The following SH3RF3 variants were observed in gnomAD, a reference collection of about 807,000 sequenced individuals.
SH3RF3 encodes SH3 domain containing ring finger 3.
SH3RF3 carries 29 observed loss-of-function variants against 66.3 expected under a neutral mutation model. The observed-to-expected ratio is 0.44, with a 90% CI of 0.33 to 0.60. SH3RF3 has a LOEUF of 0.60. SH3RF3 is among the 20% of genes least tolerant of loss of function. SH3RF3 has a pLI of 0.04. For missense variants in SH3RF3, 1,194 were observed against 1,190.9 expected (o/e 1.00, Z -0.04); for synonymous variants, 583 against 532.0 (o/e 1.10, Z -1.32).
intron 3 of SH3RF3, among the ~76,000 whole-genome samples, chr2:109,396,075 G>A (rs1676135042): frequency 6.6e-6 from 1 of 152,206 alleles, no homozygotes; most frequent in African/African-American, 2.4e-5. Context: ...ATGCCAGTGA[G>A]TGAGACGAAT....
At chr2:109,483,962 C>T (rs1455036965) in intron 8 of SH3RF3, among the ~76,000 whole-genome samples, 2 of 152,184 alleles carry the variant, frequency 1.3e-5, no homozygotes, top group African/African-American at 4.8e-5. Flanking sequence ...ATCCCTGTGC[C>T]TCCACCTCTA....
intron 1 of SH3RF3, among the ~76,000 whole-genome samples, chr2:109,347,094 G>C (rs572812463): frequency 2.6e-4 from 39 of 152,298 alleles, no homozygotes; most frequent in African/African-American, 8.4e-4. Flanking sequence ...CTGCTGCTCA[G>C]CTTCAACCCC....
intron 1 of SH3RF3, among the ~76,000 whole-genome samples, chr2:109,248,356 G>A (rs984610790): frequency 2.6e-5 from 4 of 152,080 alleles, no homozygotes; most frequent in Non-Finnish European, 5.9e-5. Flanking sequence ...ATTGTTTCCT[G>A]AAAGTTTTAT....
At chr2:109,281,420 G>A (rs1270604268) in intron 1 of SH3RF3, among the ~76,000 whole-genome samples, 1 of 152,214 alleles carries the variant, frequency 6.6e-6, no homozygotes, top group Non-Finnish European at 1.5e-5. Flanking sequence ...CTCAGAGCAG[G>A]ATGTCCCTCT....
Position 109,202,100 on chromosome 2 carries a change from C to A in SH3RF3, c.573+71987C>A, listed in dbSNP as rs143402931. Among the ~76,000 whole-genome samples, 328 of 152,328 alleles carry A rather than the reference C, an allele frequency of 2.2e-3. 1 individual carries two copies. Among genetic ancestry groups the A allele is most frequent in the African/African-American group, 7.3e-3 (305 of 41,576 alleles). On this transcript the variant is annotated intron_variant, in intron 1 of 9. Transcript: ENST00000309415. ...GGAGGCACACAGCCTCCCCTCGAGG[C>A]GATCTCGGCCACTTTCTCATCTTGA...
intron 1 of SH3RF3, among the ~76,000 whole-genome samples, chr2:109,304,301 T>A (rs1284860808): frequency 6.6e-6 from 1 of 152,134 alleles, no homozygotes; most frequent in African/African-American, 2.4e-5. Context: ...TCTAGGAGAT[T>A]GACTTTTTAG....
At chr2:109,353,762 G>A (rs762975671) in intron 2 of SH3RF3, among the ~76,000 whole-genome samples, 6 of 152,208 alleles carry the variant, frequency 3.9e-5, no homozygotes, top group Non-Finnish European at 5.9e-5. Context: ...GAGACAAGAC[G>A]AGAGAGTCTC....
At chr2:109,143,018 G>A (rs1009322690) in intron 1 of SH3RF3, among the ~76,000 whole-genome samples, 1 of 152,166 alleles carries the variant, frequency 6.6e-6, no homozygotes, top group Non-Finnish European at 1.5e-5. Flanking sequence ...CTAGAGATGA[G>A]GAAAGGGAAA....
rs1676632947 is a variant in SH3RF3, at chr2:109,129,629, G to A, written c.89G>A (p.Arg30Gln). 2 of 1,492,766 alleles carry A rather than the reference G, an allele frequency of 1.3e-6. No individual in the cohort carries two copies. Among genetic ancestry groups the A allele is most frequent in the Non-Finnish European group, 1.8e-6 (2 of 1,129,620 alleles). 92.5% of individuals were successfully genotyped at this position (1,492,766 alleles called of 1,614,324 possible). A position where few individuals can be genotyped will look rare whatever the true frequency, so the allele number is the denominator to read the frequency against. ...GGCGACGAGGACAGGCCAGGCGAGC[G>A]ACGGCGGCGTCGGGCGGCGGCCACC... ...SEGDEDRPGERRRRRAAATAA... is the reference protein window; with the variant it reads ...SEGDEDRPGEQRRRRAAATAA... Residue 30 changes from arginine (R) to glutamine (Q), a missense_variant, in exon 1 of 10, where the codon CGA becomes CAA. Physicochemically the swap from Arg to Gln is conservative, Grantham distance 43 (BLOSUM62 1). Coordinates refer to ENST00000309415, the MANE Select transcript of SH3RF3 (RefSeq NM_001099289.3).
intron 5 of SH3RF3, among the ~76,000 whole-genome samples, chr2:109,429,356 A>G (rs1184433738): frequency 6.6e-6 from 1 of 152,188 alleles, no homozygotes; most frequent in Non-Finnish European, 1.5e-5. Context: ...AAGTGAAGCT[A>G]GGCTTATTTA....
intron 1 of SH3RF3, among the ~76,000 whole-genome samples, chr2:109,253,359 T>G (rs1172337483): frequency 1.3e-5 from 2 of 152,160 alleles, no homozygotes; most frequent in Non-Finnish European, 2.9e-5. Flanking sequence ...TTAGTTTATT[T>G]CCTTGGGAGG....
intron 8 of SH3RF3, among the ~76,000 whole-genome samples, chr2:109,474,964 GT>G (rs889709833): frequency 6.6e-6 from 1 of 151,644 alleles, no homozygotes; most frequent in Non-Finnish European, 1.5e-5. Context: ...TTTTGTTTGG[GT>G]TTTTTTTGTT....
At chr2:109,198,971 A>G (rs1046288698) in intron 1 of SH3RF3, among the ~76,000 whole-genome samples, 1 of 152,206 alleles carries the variant, frequency 6.6e-6, no homozygotes, top group Non-Finnish European at 1.5e-5. Flanking sequence ...ATATGCAGTC[A>G]TCATGGACTG....
intron 8 of SH3RF3, among the ~76,000 whole-genome samples, chr2:109,450,917 G>T (rs1247102295): frequency 1.3e-5 from 2 of 152,208 alleles, no homozygotes; most frequent in African/African-American, 4.8e-5. Flanking sequence ...ACACTAGATG[G>T]TGTGTTCCAG....
At chr2:109,300,275 G>A (rs1006453589) in intron 1 of SH3RF3, among the ~76,000 whole-genome samples, 1 of 152,164 alleles carries the variant, frequency 6.6e-6, no homozygotes, top group African/African-American at 2.4e-5. Context: ...CACCTCCAGG[G>A]TTCAAGCAGT....
intron 1 of SH3RF3, among the ~76,000 whole-genome samples, chr2:109,194,471 A>G (rs1372769502): frequency 6.6e-6 from 1 of 152,108 alleles, no homozygotes; most frequent in East Asian, 1.9e-4. Context: ...GGCTCTGTAG[A>G]ATGGAGAAGT....
At chr2:109,495,514 C>T (rs1216860999) in intron 9 of SH3RF3, among the ~76,000 whole-genome samples, 2 of 59,660 alleles carry the variant, frequency 3.4e-5, no homozygotes, top group Non-Finnish European at 5.4e-5. Flanking sequence ...TTTTTTGAGA[C>T]AAAGTCTCAC....
At chr2:109,485,884 C>T (rs947810961) in intron 8 of SH3RF3, among the ~76,000 whole-genome samples, 1 of 152,254 alleles carries the variant, frequency 6.6e-6, no homozygotes, top group African/African-American at 2.4e-5. Context: ...GCCTCCAGTC[C>T]CTGGCCCTCC....
rs1447048440 is a variant in SH3RF3, at chr2:109,398,575, C to A, written c.946-15C>A. On this transcript the variant is annotated splice_polypyrimidine_tract_variant and intron_variant, in intron 3 of 9. Transcript: ENST00000309415. ...ATGATTTAATGCAGCCTCCCCTCTCCCCTTTCTCACTCAGCTCAATGACTC... is the reference window on the plus strand; with the variant it reads ...ATGATTTAATGCAGCCTCCCCTCTCACCTTTCTCACTCAGCTCAATGACTC... 1 of 1,537,230 alleles carries A rather than the reference C, an allele frequency of 6.5e-7. No homozygotes were observed. The highest frequency in any genetic ancestry group is 1.9e-5 in the Admixed American group (1 of 51,656).
Sources: gnomAD v4.1 joint callset for allele counts (sites outside exome capture counted in the v4.1 genomes callset) on GRCh38, gnomAD v4.1.1 for gene constraint, MANE v1.5 for transcripts, NCBI Gene and HGNC (gene_info 2026-07-23, HGNC 2026-07-21) for gene names.